EXD1: variants seen among roughly 807,000 people sequenced by gnomAD.
EXD1 encodes the protein exonuclease 3'-5' domain containing 1.
Under a neutral mutation model 49.1 loss-of-function variants are expected in EXD1, and 63 were observed. That is an observed-to-expected ratio of 1.28 (90% CI 1.05 to 1.58). The LOEUF (loss-of-function observed/expected upper bound fraction) is 1.58. Among genes scored for constraint, EXD1 ranks in the 40% most tolerant of loss-of-function variants. The pLI is 0.00. For synonymous variants in EXD1, 234 were observed against 239.2 expected, an observed-to-expected ratio of 0.98 and a Z score of 0.20; for missense variants, 748 against 666.0, an observed-to-expected ratio of 1.12 and a Z score of -1.36.
At chr15:41,210,440 C>G (rs948091986) in intron 6 of EXD1, among the ~76,000 whole-genome samples, 4 of 152,066 alleles carry the variant, frequency 2.6e-5, no homozygotes, top group African/African-American at 9.7e-5. Flanking sequence ...GCCTATAATC[C>G]CAGCACTTTG....
intron 9 of EXD1, among the ~76,000 whole-genome samples, chr15:41,194,565 G>C (rs1208584004): frequency 6.6e-6 from 1 of 152,120 alleles, no homozygotes; most frequent in African/African-American, 2.4e-5. Context: ...CAAGACTTCT[G>C]ACCCTAAAAC....
intron 7 of EXD1, among the ~76,000 whole-genome samples, chr15:41,199,818 T>TGTG (rs2046697051): frequency 1.8e-4 from 1 of 5,588 alleles, no homozygotes; most frequent in Non-Finnish European, 3.8e-3. Context: ...ATGTCATATA[T>TGTG]AGATATATGT....
intron 2 of EXD1, among the ~76,000 whole-genome samples, chr15:41,222,958 A>T (rs1159568498): frequency 2.2e-5 from 3 of 136,938 alleles, no homozygotes; most frequent in Non-Finnish European, 4.6e-5. Context: ...AAAAAAAAAA[A>T]ATTTTTTTTA....
chr15:41,199,716 G>T (rs1477024261), intron 7 of EXD1, among the ~76,000 whole-genome samples: 10 of 69,824 alleles, frequency 1.4e-4, no homozygotes, highest in Admixed American at 8.3e-4. Context: ...TCATATATAT[G>T]ATATATTATA....
At chr15:41,220,700 C>T (rs982262095) in intron 2 of EXD1, among the ~76,000 whole-genome samples, 1 of 152,180 alleles carries the variant, frequency 6.6e-6, no homozygotes, top group Non-Finnish European at 1.5e-5. Context: ...GCCATGTCCA[C>T]AATGTGCTGT....
rs1000586188 is a variant in EXD1, at chr15:41,204,446, G to T, written c.534+5055C>A. Among the ~76,000 whole-genome samples the T allele has an allele frequency of 1.4e-3, 216 of 152,136 alleles. 1 individual carries two copies. The highest frequency in any genetic ancestry group is 4.9e-3 in the African/African-American group (205 of 41,476). ...GGCACCTATAATCCCAGCTACTGGG[G>T]AGGCTGAGGCAGGAGAATCGCTGGA... On this transcript the variant is annotated intron_variant, in intron 7 of 11. Transcript: ENST00000458580.
At chr15:41,207,732 G>A (rs1197954376) in intron 7 of EXD1, among the ~76,000 whole-genome samples, 1 of 151,888 alleles carries the variant, frequency 6.6e-6, no homozygotes, top group African/African-American at 2.4e-5. Context: ...GCTTCCAGTT[G>A]CAGAAAGGAC....
intron 5 of EXD1, 80 bp from the exon 6 acceptor site, chr15:41,215,913 A>T: frequency 7.1e-7 from 1 of 1,404,200 alleles, no homozygotes; most frequent in Non-Finnish European, 1.0e-6. Flanking sequence ...GGCCACACTC[A>T]TATATTCCTA....
chr15:41,187,669 A>G (rs2046435688), intron 11 of EXD1, among the ~76,000 whole-genome samples: 1 of 152,198 alleles, frequency 6.6e-6, no homozygotes, highest in Non-Finnish European at 1.5e-5. Flanking sequence ...GCTTGCAACT[A>G]GAATCCAATG....
chr15:41,189,794 G>A, intron 11 of EXD1, 143 bp downstream of exon 11: 1 of 706,768 alleles, frequency 1.4e-6, no homozygotes, highest in Middle Eastern at 4.1e-4. Context: ...GATGGATCAT[G>A]CCCAAGCTGT....
chr15:41,216,870 T>C, intron 4 of EXD1, 75 bp from the exon 5 acceptor site: 1 of 1,586,394 alleles, frequency 6.3e-7, no homozygotes, highest in Non-Finnish European at 8.6e-7. Context: ...TTGCCACACA[T>C]TAACGTTAAG....
At chr15:41,192,102 GGTGGTTCTCCCCGCTCCT>G (rs2046529880) in intron 9 of EXD1, 1 of 153,818 alleles carries the variant, frequency 6.5e-6, no homozygotes, top group Non-Finnish European at 1.4e-5. Context: ...TAGGCAACCT[GGTGGTTCTCCCCGCTCCT>G]GGGAGGCCAC....
chr15:41,200,136 C>G (rs981159231), intron 7 of EXD1, among the ~76,000 whole-genome samples: 1 of 151,950 alleles, frequency 6.6e-6, no homozygotes, highest in Non-Finnish European at 1.5e-5. Flanking sequence ...TCTCCAACTC[C>G]GGAGCTCAAG....
At chr15:41,202,838 A>G (rs1187087550) in intron 7 of EXD1, among the ~76,000 whole-genome samples, 1 of 151,406 alleles carries the variant, frequency 6.6e-6, no homozygotes, top group Non-Finnish European at 1.5e-5. Context: ...GAATCGCTGG[A>G]ACTCAGGAGG....
At chr15:41,199,668 CATTATATATATCATAT>C (rs1566980385) in intron 7 of EXD1, among the ~76,000 whole-genome samples, 3 of 59,456 alleles carry the variant, frequency 5.0e-5, no homozygotes, top group Non-Finnish European at 7.4e-5. Context: ...ATGATATACA[CATTATATATATCATAT>C]ATATGAGATA....
intron 7 of EXD1, among the ~76,000 whole-genome samples, chr15:41,204,453 A>G (rs1159700826): frequency 6.6e-6 from 1 of 152,044 alleles, no homozygotes; most frequent in Non-Finnish European, 1.5e-5. Flanking sequence ...GGGGAGGCTG[A>G]GGCAGGAGAA....
intron 7 of EXD1, among the ~76,000 whole-genome samples, chr15:41,196,274 T>C (rs1429760633): frequency 6.6e-6 from 1 of 150,886 alleles, no homozygotes; most frequent in Non-Finnish European, 1.5e-5. Flanking sequence ...GGCCTCCTGA[T>C]AGCTGTGATT....
chr15:41,184,512 A>C lies in EXD1; in HGVS notation c.1138T>G (p.Tyr380Asp). 1.2e-6 allele frequency: 2 copies of C among 1,613,670 alleles called. No individual in the cohort carries two copies. Among genetic ancestry groups the C allele is most frequent in the Non-Finnish European group, 1.7e-6 (2 of 1,179,916 alleles). The change falls in exon 12 of 12, where the codon TAT becomes GAT. Residue 380 changes from tyrosine (Y) to aspartate (D), a missense_variant. Tyr to Asp is a radical substitution (Grantham distance 160). Transcript: ENST00000458580. ...AGGAGTCCCTGTGCATTCACCCTAT[A>C]TTCTCTTGCAGCTTTCTCCCTGCGC... is the stretch of plus-strand genomic sequence containing the variant. ...KQRREKAARE[Y>D]RVNAQGLLIR...
intron 11 of EXD1, among the ~76,000 whole-genome samples, chr15:41,187,607 A>G (rs1335124719): frequency 2.6e-5 from 4 of 152,182 alleles, no homozygotes; most frequent in Non-Finnish European, 5.9e-5. Context: ...TAAGATAATC[A>G]TAACACTTTC....
Sources: gnomAD v4.1 joint callset for allele counts (sites outside exome capture counted in the v4.1 genomes callset) on GRCh38, gnomAD v4.1.1 for gene constraint, MANE v1.5 for transcripts, NCBI Gene and HGNC (gene_info 2026-07-23, HGNC 2026-07-21) for gene names.